Variants in SHISA9 observed in about 807,000 individuals in gnomAD.
SHISA9 encodes protein shisa-9.
Under a neutral mutation model 38.0 loss-of-function variants are expected in SHISA9, and 13 were observed. The ratio of observed to expected loss-of-function variants is 0.34; its 90% CI spans 0.22 to 0.54. The LOEUF (loss-of-function observed/expected upper bound fraction) is 0.54, where lower values mean the gene tolerates loss of function less well. Ranked by LOEUF, SHISA9 falls within the 20% of genes least tolerant of loss-of-function variation. The pLI is 0.91. For missense variants in SHISA9, 538 were observed against 575.8 expected, an observed-to-expected ratio of 0.93 and a Z score of 0.67; for synonymous variants, 275 against 242.0, an observed-to-expected ratio of 1.14 and a Z score of -1.27.
chr16:12,907,551 A>G (rs1596521799), intron 1 of SHISA9, among the ~76,000 whole-genome samples: 1 of 152,176 alleles, frequency 6.6e-6, no homozygotes, highest in African/African-American at 2.4e-5. Context: ...CAGGAAAAAG[A>G]GCAAAAATCC....
the SHISA9 span, among the ~76,000 whole-genome samples, chr16:13,550,849 T>C: frequency 0.1 from 15,305 of 151,570 alleles, 1,193 homozygotes; most frequent in East Asian, 0.46. Context: ...ACAGGCCAGG[T>C]GCAGTGGCTC....
intron 1 of SHISA9, chr16:12,908,654 T>A: frequency 1.3e-6 from 2 of 1,548,000 alleles, no homozygotes; most frequent in Non-Finnish European, 1.7e-6. Context: ...ACTTCTCAGA[T>A]CACAGAGAAG....
intron 2 of SHISA9, among the ~76,000 whole-genome samples, chr16:13,085,553 A>G (rs1339904209): frequency 2.0e-5 from 3 of 152,334 alleles, no homozygotes; most frequent in African/African-American, 7.2e-5. Context: ...TATCCAAAGA[A>G]GCTATAAGGA....
At chr16:13,222,792 G>GTATATA (rs745719678) in intron 4 of SHISA9, among the ~76,000 whole-genome samples, 116 of 63,572 alleles carry the variant, frequency 1.8e-3, no homozygotes, top group African/African-American at 9.9e-3. Context: ...GTGTGTGTAT[G>GTATATA]TATATATATA....
At chr16:13,051,490 C>T (rs117472529) in intron 2 of SHISA9, among the ~76,000 whole-genome samples, 146 of 152,278 alleles carry the variant, frequency 9.6e-4, no homozygotes, top group Admixed American at 2.5e-3. Context: ...GGGTGGCCTG[C>T]GTGCTTCAAT....
chr16:13,476,896 C>T, the SHISA9 span, among the ~76,000 whole-genome samples: 10 of 151,852 alleles, frequency 6.6e-5, no homozygotes, highest in African/African-American at 2.4e-4. Context: ...CTACAGGCGC[C>T]CACCACCACA....
chr16:13,197,126 C>CACAG (rs2050952838), intron 2 of SHISA9, among the ~76,000 whole-genome samples: 57 of 150,246 alleles, frequency 3.8e-4, no homozygotes, highest in African/African-American at 1.2e-3. Flanking sequence ...CACACACACA[C>CACAG]ACACACACAC....
chr16:13,510,924 C>T, the SHISA9 span, among the ~76,000 whole-genome samples: 1 of 152,044 alleles, frequency 6.6e-6, no homozygotes, highest in Non-Finnish European at 1.5e-5. Context: ...TAGAACTGTG[C>T]CTGCAATTTG....
intron 2 of SHISA9, among the ~76,000 whole-genome samples, chr16:13,056,501 A>G (rs2073312604): frequency 6.6e-6 from 1 of 152,172 alleles, no homozygotes; most frequent in South Asian, 2.1e-4. Flanking sequence ...AGTGTTAGGT[A>G]TGGGGAGGGA....
chr16:12,965,811 C>T (rs139906017), intron 2 of SHISA9, among the ~76,000 whole-genome samples: 41 of 152,304 alleles, frequency 2.7e-4, no homozygotes, highest in Non-Finnish European at 4.7e-4. Flanking sequence ...CAGTACCCAG[C>T]ACATAGTCAG....
intron 2 of SHISA9, among the ~76,000 whole-genome samples, chr16:13,005,092 C>T (rs1257611258): frequency 6.6e-6 from 1 of 151,962 alleles, no homozygotes; most frequent in Non-Finnish European, 1.5e-5. Context: ...GCAATTAAGA[C>T]CCTTGGAGAG....
At chr16:13,382,990 C>A in the SHISA9 span, among the ~76,000 whole-genome samples, 1 of 152,170 alleles carries the variant, frequency 6.6e-6, no homozygotes, top group African/African-American at 2.4e-5. Flanking sequence ...TCAGCAGTCA[C>A]TAAGTGTTCG....
the SHISA9 span, among the ~76,000 whole-genome samples, chr16:13,333,042 C>T: frequency 2.6e-5 from 4 of 152,174 alleles, no homozygotes; most frequent in Admixed American, 6.5e-5. Flanking sequence ...GGTCCTCTGC[C>T]GTGCCCGTCG....
intron 2 of SHISA9, among the ~76,000 whole-genome samples, chr16:13,192,965 A>G (rs951230068): frequency 2.7e-5 from 4 of 150,060 alleles, no homozygotes; most frequent in African/African-American, 1.0e-4. Flanking sequence ...GGAGGAGGAA[A>G]AGAAGAAGAA....
intron 2 of SHISA9, among the ~76,000 whole-genome samples, chr16:13,013,235 T>C (rs551860456): frequency 6.6e-6 from 1 of 152,252 alleles, no homozygotes; most frequent in Admixed American, 6.5e-5. Context: ...TTGACCGGAA[T>C]CACGTCCTCT....
At chr16:13,177,455 G>C (rs1175106753) in intron 2 of SHISA9, among the ~76,000 whole-genome samples, 2 of 151,746 alleles carry the variant, frequency 1.3e-5, no homozygotes, top group Admixed American at 6.6e-5. Flanking sequence ...AATGGGTGGG[G>C]GAAAAAAACA....
chr16:13,507,873 T>C, the SHISA9 span, among the ~76,000 whole-genome samples: 1 of 152,220 alleles, frequency 6.6e-6, no homozygotes, highest in Non-Finnish European at 1.5e-5. Flanking sequence ...AAAGAAGTTA[T>C]TTTCCAAAGC....
the SHISA9 span, among the ~76,000 whole-genome samples, chr16:13,284,621 A>G: frequency 6.6e-6 from 1 of 152,148 alleles, no homozygotes; most frequent in Non-Finnish European, 1.5e-5. Context: ...ACTGTAAGAC[A>G]GAGTCTTGCT....
At position 13,019,877 on chromosome 16, in the gene SHISA9, TCCCTCCC is replaced by T. The variant is rs1567184035; in HGVS notation, c.691+103063_691+103069del. Among the ~76,000 whole-genome samples, 305 of 33,414 alleles carry T rather than the reference TCCCTCCC, an allele frequency of 9.1e-3. 22 individuals carry two copies. Among genetic ancestry groups the T allele is most frequent in the African/African-American group, 0.03 (234 of 7,676 alleles). 21.9% of individuals were successfully genotyped at this position (33,414 alleles called of 152,430 possible). ...CTCCCTCCCTCCCTCCCTCCCTCCC[TCCCTCCC>T]TTCTTTCTTTCTTTCTTTCTTTCTT... On this transcript the variant is annotated intron_variant, in intron 2 of 4. Transcript: ENST00000558583.
Sources: allele counts gnomAD v4.1 joint callset (sites outside exome capture counted in the v4.1 genomes callset), GRCh38; gene constraint gnomAD v4.1.1; transcripts MANE v1.5; gene names NCBI Gene and HGNC (gene_info 2026-07-23, HGNC 2026-07-21).